DHX40: variants seen among roughly 807,000 people sequenced by gnomAD.
DHX40 encodes probable ATP-dependent RNA helicase DHX40.
Under a neutral mutation model 89.6 loss-of-function variants are expected in DHX40, and 28 were observed. That is an observed-to-expected ratio of 0.31 (90% confidence interval 0.23 to 0.43). DHX40 has a LOEUF of 0.43. Ranked by LOEUF, DHX40 falls within the 20% of genes least tolerant of loss-of-function variation. The pLI is 1.00. For synonymous variants in DHX40, 226 were observed against 283.6 expected (o/e 0.80, Z 2.04); for missense variants, 457 against 844.0 (o/e 0.54, Z 5.68).
intron 3 of DHX40, among the ~76,000 whole-genome samples, chr17:59,572,181 A>G (rs1194174844): frequency 6.6e-6 from 1 of 152,180 alleles, no homozygotes; most frequent in African/African-American, 2.4e-5. Flanking sequence ...GTCCAGCTAC[A>G]AAACGATCCC....
In DHX40 at chr17:59,565,637, G is replaced by T. The variant is rs1190347079; in HGVS notation, c.-35G>T. ...CTTTCCCCTCCCATCTCCTCAGATC[G>T]GTGGACGTGCTCGCCTCCACTCGGG... On this transcript the variant is annotated 5_prime_UTR_variant, in exon 1 of 18. Transcript: ENST00000251241. 1.3e-6 allele frequency: 2 copies of T among 1,575,902 alleles called. No homozygotes were observed. Among genetic ancestry groups the T allele is most frequent in the South Asian group, 1.1e-5 (1 of 89,318 alleles).
intron 12 of DHX40, among the ~76,000 whole-genome samples, 196 bp downstream of exon 12, chr17:59,588,249 C>CCCCCAAA (rs1455650501): frequency 7.2e-5 from 9 of 124,514 alleles, no homozygotes; most frequent in Middle Eastern, 4.2e-3. Flanking sequence ...AAACCAAAAA[C>CCCCCAAA]AAAATTAATA....
intron 14 of DHX40, among the ~76,000 whole-genome samples, chr17:59,600,796 A>G (rs1292520563): frequency 6.6e-6 from 1 of 151,296 alleles, no homozygotes; most frequent in Non-Finnish European, 1.5e-5. Flanking sequence ...GCAGTGAGGT[A>G]TGATGCCACT....
chr17:59,605,420 A>G, intron 16 of DHX40, 26 bp from the exon 17 acceptor site: 2 of 1,594,818 alleles, frequency 1.3e-6, no homozygotes, highest in African/African-American at 1.3e-5. Flanking sequence ...TTGAGTTACC[A>G]TCATTAAAAG....
chr17:59,577,180 C>G, intron 7 of DHX40, 86 bp from the exon 8 acceptor site: 2 of 1,154,148 alleles, frequency 1.7e-6, no homozygotes, highest in Non-Finnish European at 2.6e-6. Context: ...AGAAACATGA[C>G]TTGTAATGAA....
At chr17:59,588,154 G>A in intron 12 of DHX40, 101 bp downstream of exon 12, 1 of 1,515,448 alleles carries the variant, frequency 6.6e-7, no homozygotes, top group Non-Finnish European at 8.9e-7. Context: ...GGCAAGGCAG[G>A]TGGATTGCTT....
intron 10 of DHX40, among the ~76,000 whole-genome samples, chr17:59,582,273 T>C (rs2048955555): frequency 8.0e-6 from 1 of 124,522 alleles, no homozygotes; most frequent in African/African-American, 3.7e-5. Flanking sequence ...CGCAAAATTA[T>C]GTTTCAAAAT....
In DHX40 at chr17:59,607,506, T is replaced by TA. The variant is rs1489703983; in HGVS notation, c.*335dup. The TA allele has an allele frequency of 1.1e-5, 6 of 568,886 alleles. No individual in the cohort carries two copies. Among genetic ancestry groups the TA allele is most frequent in the Admixed American group, 3.1e-5 (1 of 32,660 alleles). The allele number at this position is 568,886 out of a possible 1,614,324, so 35.2% of individuals were successfully genotyped here. On this transcript the variant is annotated 3_prime_UTR_variant, in exon 18 of 18. Coordinates refer to ENST00000251241, the MANE Select transcript of DHX40 (RefSeq NM_024612.5). ...GATGTTTTCAAAGAACATTGAGTTG[T>TA]ATTTAATCAGCGTGTACTCCATTTG...
At chr17:59,585,460 C>T (rs941901053) in intron 10 of DHX40, among the ~76,000 whole-genome samples, 9 of 150,880 alleles carry the variant, frequency 6.0e-5, no homozygotes, top group East Asian at 1.9e-4. Context: ...CGGTGGCTCA[C>T]GCCTGTAATC....
At position 59,607,147 on chromosome 17, in the gene DHX40, G is replaced by C; in HGVS notation, c.2315G>C (p.Ser772Thr). The C allele has an allele frequency of 6.2e-7, 1 of 1,614,230 alleles. No homozygotes were observed. Among genetic ancestry groups the C allele is most frequent in the Non-Finnish European group, 8.5e-7 (1 of 1,180,044 alleles). ...ERKQQRTQDHSDTRKETG is the reference protein window; with the variant it reads ...ERKQQRTQDHTDTRKETG ...AAGCAGCAGAGGACCCAGGACCACAGTGACACACGAAAGGAAACAGGCTAA... is the reference window on the plus strand; with the variant it reads ...AAGCAGCAGAGGACCCAGGACCACACTGACACACGAAAGGAAACAGGCTAA... Residue 772 changes from serine (S) to threonine (T), a missense_variant, in exon 18 of 18, where the codon AGT (serine) becomes ACT (threonine). Ser to Thr is a moderately conservative substitution (Grantham distance 58). Transcript: ENST00000251241.
intron 2 of DHX40, among the ~76,000 whole-genome samples, chr17:59,568,164 G>A (rs1284537455): frequency 6.6e-6 from 1 of 152,094 alleles, no homozygotes; most frequent in Non-Finnish European, 1.5e-5. Context: ...GGAGGCAGAG[G>A]TTGCAGTGAG....
chr17:59,570,173 T>C (rs902389775), intron 2 of DHX40, among the ~76,000 whole-genome samples: 52 of 125,622 alleles, frequency 4.1e-4, no homozygotes, highest in African/African-American at 1.7e-3. Context: ...ATATGTTATA[T>C]ATTAATATAT....
At chr17:59,569,739 T>C (rs2048765021) in intron 2 of DHX40, among the ~76,000 whole-genome samples, 1 of 144,962 alleles carries the variant, frequency 6.9e-6, no homozygotes, top group South Asian at 2.1e-4. Flanking sequence ...ATATATATAA[T>C]TTTTTCTTTC....
At chr17:59,576,659 G>T (rs906993444) in intron 7 of DHX40, among the ~76,000 whole-genome samples, 1 of 152,072 alleles carries the variant, frequency 6.6e-6, no homozygotes, top group Non-Finnish European at 1.5e-5. Flanking sequence ...TAGGATCATT[G>T]TTTAAGGTTC....
At chr17:59,604,025 G>A (rs2030696263) in intron 15 of DHX40, 1 of 152,026 alleles carries the variant, frequency 6.6e-6, no homozygotes, top group Non-Finnish European at 1.5e-5. Flanking sequence ...GAGACCAAAG[G>A]GAAATGAAAA....
rs2048781236 is a variant in DHX40 at position 59,570,193 on chromosome 17, A to AT, written c.281-325_281-324insT. 3.4e-5 allele frequency among the ~76,000 whole-genome samples: 4 copies of AT among 118,300 alleles called. No homozygotes were observed. The South Asian group carries it at 8.7e-4, about 26-fold the overall frequency. 77.6% of individuals were successfully genotyped at this position (118,300 alleles called of 152,430 possible). A position where few individuals can be genotyped will look rare whatever the true frequency, so the allele number is the denominator to read the frequency against. On this transcript the variant is annotated intron_variant, in intron 2 of 17. Coordinates refer to ENST00000251241, the MANE Select transcript of DHX40 (RefSeq NM_024612.5). The stretch of plus-strand genomic sequence containing the variant: ...TTATATATTAATATATATAATATAT[A>AT]ATATATTATAATATATATTATATAT...
Position 59,607,497 on chromosome 17 carries a change from A to G in DHX40, c.*325A>G. On this transcript the variant is annotated 3_prime_UTR_variant, in exon 18 of 18. Transcript: ENST00000251241. ...TGTCATTGAGATGTTTTCAAAGAAC[A>G]TTGAGTTGTATTTAATCAGCGTGTA... 2 of 572,648 alleles carry G rather than the reference A, an allele frequency of 3.5e-6. No individual in the cohort carries two copies. The highest frequency in any genetic ancestry group is 2.8e-5 in the East Asian group (1 of 35,830). The allele number at this position is 572,648 out of a possible 1,614,324, so 35.5% of individuals were successfully genotyped here.
rs746977911 is a variant in DHX40 at position 59,577,223 on chromosome 17, A to G, written c.974-43A>G. The G allele has an allele frequency of 5.0e-5, 76 of 1,507,196 alleles. No homozygotes were observed. In the African/African-American group the frequency reaches 8.4e-4, roughly 17 times the overall value. The allele number at this position is 1,507,196 out of a possible 1,614,324, so 93.4% of individuals were successfully genotyped here. On this transcript the variant is annotated intron_variant, in intron 7 of 17. Transcript: ENST00000251241. Reference sequence around the variant, plus strand: ...GTTCTTCAAAACTCGAGTTTGACACATGCATGTTGTAAATTGGTATTTTCT... The same window carrying G: ...GTTCTTCAAAACTCGAGTTTGACACGTGCATGTTGTAAATTGGTATTTTCT...
chr17:59,571,853 A>C (rs146547754), intron 3 of DHX40, among the ~76,000 whole-genome samples: 1,608 of 152,076 alleles, frequency 0.011, 24 homozygotes, highest in African/African-American at 0.035. Flanking sequence ...TTACAGGGTA[A>C]ACCACCGCGC....
Sources: allele counts gnomAD v4.1 joint callset (sites outside exome capture counted in the v4.1 genomes callset), GRCh38; gene constraint gnomAD v4.1.1; transcripts MANE v1.5; gene names NCBI Gene and HGNC (gene_info 2026-07-23, HGNC 2026-07-21).